Variants in LAMA2 observed in about 807,000 individuals in gnomAD.
LAMA2 encodes the protein laminin subunit alpha-2.
A neutral mutation model predicts 364.8 loss-of-function variants in LAMA2; 269 were observed. The observed-to-expected ratio is 0.74, with a 90% confidence interval of 0.67 to 0.82. LAMA2 has a LOEUF of 0.82. Among genes scored for constraint, LAMA2 ranks in the 40% least tolerant of loss-of-function variants. The pLI, the probability that LAMA2 is intolerant of heterozygous loss-of-function variation, is 0.00. For missense variants in LAMA2, 3,807 were observed against 3,873.2 expected, an observed-to-expected ratio of 0.98 and a Z score of 0.45; for synonymous variants, 1,379 against 1,370.6, an observed-to-expected ratio of 1.01 and a Z score of -0.14.
intron 1 of LAMA2, among the ~76,000 whole-genome samples, chr6:128,991,275 G>A (rs971374352): frequency 1.3e-5 from 2 of 152,046 alleles, no homozygotes; most frequent in Non-Finnish European, 2.9e-5. Flanking sequence ...TTTACAAATA[G>A]CAATTTATAT....
At chr6:129,203,891 T>C (rs1782454863) in intron 12 of LAMA2, among the ~76,000 whole-genome samples, 2 of 152,208 alleles carry the variant, frequency 1.3e-5, no homozygotes, top group South Asian at 4.1e-4. Context: ...CTCAGAATTG[T>C]ACAAAGCTCT....
rs768602307 is a variant in LAMA2, at chr6:129,192,749, G to C, written c.1678G>C (p.Asp560His). 3 of 1,614,004 alleles carry C rather than the reference G, an allele frequency of 1.9e-6. No individual in the cohort carries two copies. Among genetic ancestry groups the C allele is most frequent in the African/African-American group, 1.3e-5 (1 of 74,920 alleles). Residue 560 changes from aspartate to histidine, a missense_variant, in exon 12 of 65, where the codon GAC becomes CAC. Physicochemically the swap from Asp to His is moderately conservative, Grantham distance 81. Around this residue, in one of 3 missense-constraint regions of LAMA2, gnomAD observed 3,333 missense variants for 3,345.7 expected, o/e 1.00. Transcript: ENST00000421865. Reference protein sequence around the residue: ...GRIRVAPQQDDLDSPQQISIS... With the variant: ...GRIRVAPQQDHLDSPQQISIS... ...CATTCGAGTGGCTCCCCAGCAGGAC[G>C]ACTTGGACTCACCTCAGCAGATCAG...
chr6:129,411,620 TA>T (rs2114712012), intron 40 of LAMA2, among the ~76,000 whole-genome samples: 1 of 152,298 alleles, frequency 6.6e-6, no homozygotes, highest in African/African-American at 2.4e-5. Context: ...GTTAGGTGTC[TA>T]AGGAATAAAC....
chr6:129,132,840 GA>G (rs1185960659), intron 4 of LAMA2, among the ~76,000 whole-genome samples: 3 of 152,114 alleles, frequency 2.0e-5, no homozygotes, highest in African/African-American at 4.8e-5. Flanking sequence ...CTATAAGATA[GA>G]TATTATTTTT....
At chr6:128,963,870 T>C (rs1419999282) in intron 1 of LAMA2, among the ~76,000 whole-genome samples, 7 of 152,082 alleles carry the variant, frequency 4.6e-5, no homozygotes, top group African/African-American at 1.7e-4. Flanking sequence ...GTCTAAATTA[T>C]AGTACATGAA....
intron 32 of LAMA2, 71 bp downstream of exon 32, chr6:129,353,428 G>C: frequency 7.9e-7 from 1 of 1,262,434 alleles, no homozygotes; most frequent in Non-Finnish European, 1.2e-6. Flanking sequence ...CAATGAGAAA[G>C]AGTGACTCTC....
In LAMA2 at chr6:129,462,678, G is replaced by A. The variant is rs116061421; in HGVS notation, c.6993-1612G>A. 3.5e-3 allele frequency among the ~76,000 whole-genome samples: 530 copies of A among 151,968 alleles called. 5 individuals are homozygous for A. The highest frequency in any genetic ancestry group is 0.012 in the African/African-American group (511 of 41,492). On this transcript the variant is annotated intron_variant, in intron 49 of 64. Coordinates refer to ENST00000421865, the MANE Select transcript of LAMA2 (RefSeq NM_000426.4). ...ACTTGTGTAAGTTTTTAGCAGGTCA[G>A]CCCCAACCCTATTTTCCCATAAGCC...
intron 1 of LAMA2, among the ~76,000 whole-genome samples, chr6:128,961,855 A>G (rs1417729372): frequency 3.3e-5 from 5 of 151,954 alleles, no homozygotes; most frequent in African/African-American, 1.2e-4. Context: ...ATGGGATAGT[A>G]ACGAGGTTTA....
intron 1 of LAMA2, among the ~76,000 whole-genome samples, chr6:129,018,774 A>G (rs1369462988): frequency 6.6e-6 from 1 of 152,124 alleles, no homozygotes; most frequent in Non-Finnish European, 1.5e-5. Flanking sequence ...ATGTAATACT[A>G]TCATAATTTT....
At chr6:129,486,739 A>G (rs1784607097) in intron 56 of LAMA2, 117 bp downstream of exon 56, 1 of 942,480 alleles carries the variant, frequency 1.1e-6, no homozygotes, top group Admixed American at 1.8e-5. Flanking sequence ...ATGCATTGCA[A>G]AAGGATACCG....
At chr6:129,042,148 T>C (rs1159811998) in intron 1 of LAMA2, among the ~76,000 whole-genome samples, 1 of 151,298 alleles carries the variant, frequency 6.6e-6, no homozygotes, top group Non-Finnish European at 1.5e-5. Flanking sequence ...CTACTAAAAA[T>C]ACAAAAATTA....
chr6:129,194,189 T>A (rs1386691288), intron 12 of LAMA2, among the ~76,000 whole-genome samples: 1 of 151,382 alleles, frequency 6.6e-6, no homozygotes. Context: ...GCCAAAAAAA[T>A]ATAAAAATAT....
chr6:129,149,121 A>G lies in LAMA2; in HGVS notation c.1027+25A>G, dbSNP rs775888494. On this transcript the variant is annotated intron_variant, in intron 7 of 64. Coordinates refer to ENST00000421865, the MANE Select transcript of LAMA2 (RefSeq NM_000426.4). ...GGTATGTTCTTTAGAAGCCAACAAA[A>G]TATGTCATTCTTCCTTTCCAAGAAA... 1.0e-5 allele frequency: 14 copies of G among 1,342,906 alleles called. No individual in the cohort carries two copies. The South Asian group carries it at 1.5e-4, about 15-fold the overall frequency. 83.2% of individuals were successfully genotyped at this position (1,342,906 alleles called of 1,614,324 possible).
chr6:129,187,619 G>A (rs955028581), intron 10 of LAMA2, among the ~76,000 whole-genome samples: 2 of 151,764 alleles, frequency 1.3e-5, no homozygotes, highest in Non-Finnish European at 1.5e-5. Flanking sequence ...TGAAGTTCTA[G>A]CATACAGGAA....
At chr6:128,912,844 A>C (rs1778067564) in intron 1 of LAMA2, among the ~76,000 whole-genome samples, 1 of 152,222 alleles carries the variant, frequency 6.6e-6, no homozygotes, top group South Asian at 2.1e-4. Flanking sequence ...GCAGTTTCAC[A>C]GAGGAGTTGG....
chr6:129,288,327 T>G (rs886713301), intron 19 of LAMA2, among the ~76,000 whole-genome samples: 14 of 152,200 alleles, frequency 9.2e-5, no homozygotes, highest in African/African-American at 2.9e-4. Flanking sequence ...GAAGATTTTT[T>G]TAATGAACTT....
At chr6:128,944,248 T>TTTGTGTTA (rs1780357783) in intron 1 of LAMA2, among the ~76,000 whole-genome samples, 2 of 152,150 alleles carry the variant, frequency 1.3e-5, no homozygotes, top group Non-Finnish European at 2.9e-5. Flanking sequence ...CTAGATTAAA[T>TTTGTGTTA]GAATTAATTT....
At position 129,445,808 on chromosome 6, in the gene LAMA2, A is replaced by T; in HGVS notation, c.6416A>T (p.Lys2139Ile). The T allele has an allele frequency of 6.2e-7, 1 of 1,613,590 alleles. No homozygotes were observed. The highest frequency in any genetic ancestry group is 8.5e-7 in the Non-Finnish European group (1 of 1,179,598). Residue 2139 changes from lysine (K) to isoleucine (I), a missense_variant, in exon 45 of 65, where the codon AAA becomes ATA. Around this residue, in one of 3 missense-constraint regions of LAMA2, gnomAD observed 3,333 missense variants for 3,345.7 expected, o/e 1.00. Transcript: ENST00000421865. ...AAGGAATTGATAAACCAAGCTCGGA[A>T]ACAAGCCAATTCTGTAAGTTCTTTT... ...EIKELINQAR[K>I]QANSIKVSVS... is the part of the protein sequence containing the mutation.
chr6:129,501,617 G>C (rs1377883524), intron 58 of LAMA2, among the ~76,000 whole-genome samples: 1 of 152,216 alleles, frequency 6.6e-6, no homozygotes, highest in African/African-American at 2.4e-5. Context: ...GGCTGCTTGA[G>C]AACCTCTGCT....
Sources: gnomAD v4.1 joint callset for allele counts (sites outside exome capture counted in the v4.1 genomes callset) on GRCh38, gnomAD v4.1.1 for gene constraint, gnomAD v4.1.1 regional missense constraint, MANE v1.5 for transcripts, NCBI Gene and HGNC (gene_info 2026-07-23, HGNC 2026-07-21) for gene names.